The following TP63 variants were observed in gnomAD, a reference collection of about 807,000 sequenced individuals.
TP63 encodes the protein tumor protein p63, also known as tumor protein 63.
In TP63, 17 loss-of-function variants were observed where a neutral mutation model predicts 82.8. That is an observed-to-expected ratio of 0.21 (90% CI 0.14 to 0.31). TP63 has a LOEUF of 0.31. TP63 is among the 10% of genes least tolerant of loss of function. The pLI, the probability that TP63 is intolerant of heterozygous loss-of-function variation, is 1.00. For missense variants in TP63, 648 were observed against 895.3 expected, an observed-to-expected ratio of 0.72 and a Z score of 3.52; for synonymous variants, 330 against 321.7, an observed-to-expected ratio of 1.03 and a Z score of -0.28.
intron 3 of TP63, among the ~76,000 whole-genome samples, chr3:189,790,857 G>A (rs914581488): frequency 6.6e-6 from 1 of 152,148 alleles, no homozygotes; most frequent in African/African-American, 2.4e-5. Flanking sequence ...GGTGCAGACC[G>A]CAAGAGGAAG....
chr3:189,831,727 C>T (rs965764088), intron 4 of TP63, among the ~76,000 whole-genome samples: 1 of 150,136 alleles, frequency 6.7e-6, no homozygotes, highest in Non-Finnish European at 1.5e-5. Flanking sequence ...TGGTATTTGG[C>T]TGATAAGTAG....
the TP63 span, among the ~76,000 whole-genome samples, chr3:189,598,137 C>T: frequency 6.6e-6 from 1 of 151,682 alleles, no homozygotes; most frequent in African/African-American, 2.4e-5. Flanking sequence ...AATATCTACA[C>T]TGAAGCAGTA....
intron 3 of TP63, among the ~76,000 whole-genome samples, chr3:189,784,122 T>C (rs1477967362): frequency 6.6e-6 from 1 of 152,066 alleles, no homozygotes; most frequent in Non-Finnish European, 1.5e-5. Flanking sequence ...TTTTTTCTTC[T>C]AAATTTCACA....
chr3:189,818,342 A>G (rs2108664301), intron 4 of TP63, among the ~76,000 whole-genome samples: 1 of 152,178 alleles, frequency 6.6e-6, no homozygotes, highest in South Asian at 2.1e-4. Context: ...TTACCACCAT[A>G]AGCCAGTATA....
intron 3 of TP63, among the ~76,000 whole-genome samples, chr3:189,739,477 C>T (rs2108797976): frequency 6.6e-6 from 1 of 152,300 alleles, no homozygotes; most frequent in Non-Finnish European, 1.5e-5. Context: ...CAAACAACTT[C>T]TCTATCCTTC....
intron 1 of TP63, among the ~76,000 whole-genome samples, chr3:189,734,365 T>C (rs746493634): frequency 4.6e-5 from 7 of 151,950 alleles, no homozygotes; most frequent in Non-Finnish European, 7.4e-5. Flanking sequence ...AGAGACAGGG[T>C]TTCCTTGCCC....
At chr3:189,647,618 C>A (rs1397300645) in intron 1 of TP63, among the ~76,000 whole-genome samples, 1 of 146,428 alleles carries the variant, frequency 6.8e-6, no homozygotes, top group Non-Finnish European at 1.5e-5. Context: ...CTCAGGAAAC[C>A]TGACATCCCT....
At chr3:189,608,839 A>G in the TP63 span, among the ~76,000 whole-genome samples, 3 of 152,074 alleles carry the variant, frequency 2.0e-5, no homozygotes, top group African/African-American at 7.2e-5. Flanking sequence ...CAGCACTTCA[A>G]TATTAAAATC....
At chr3:189,752,726 G>A (rs1222877917) in intron 3 of TP63, among the ~76,000 whole-genome samples, 2 of 151,790 alleles carry the variant, frequency 1.3e-5, no homozygotes, top group Admixed American at 6.6e-5. Flanking sequence ...TCTTTTTCGA[G>A]TTTTTTAAAT....
intron 1 of TP63, among the ~76,000 whole-genome samples, chr3:189,692,717 A>G (rs1171249444): frequency 6.6e-6 from 1 of 152,220 alleles, no homozygotes; most frequent in Non-Finnish European, 1.5e-5. Flanking sequence ...TCATTGATTC[A>G]GAGACAATCC....
At chr3:189,819,377 T>C (rs920103573) in intron 4 of TP63, among the ~76,000 whole-genome samples, 11 of 152,132 alleles carry the variant, frequency 7.2e-5, no homozygotes, top group Non-Finnish European at 1.3e-4. Flanking sequence ...GTGTGCCATG[T>C]TGGTGTGCTG....
the TP63 span, among the ~76,000 whole-genome samples, chr3:189,611,222 C>T: frequency 2.0e-5 from 3 of 152,150 alleles, no homozygotes; most frequent in Admixed American, 2.0e-4. Flanking sequence ...TTTGCTCATT[C>T]CTATGTCCAG....
At chr3:189,859,756 C>A (rs1398165889) in intron 4 of TP63, among the ~76,000 whole-genome samples, 2 of 151,936 alleles carry the variant, frequency 1.3e-5, no homozygotes, top group Admixed American at 1.3e-4. Flanking sequence ...TAGTTTTATA[C>A]ACAATAGAAA....
chr3:189,796,829 A>G (rs1256111118), intron 3 of TP63, among the ~76,000 whole-genome samples: 1 of 152,018 alleles, frequency 6.6e-6, no homozygotes. Context: ...TAAATTTCTT[A>G]TTTCTAAGTT....
At chr3:189,683,697 A>C (rs750451102) in intron 1 of TP63, among the ~76,000 whole-genome samples, 2 of 152,210 alleles carry the variant, frequency 1.3e-5, no homozygotes, top group Non-Finnish European at 2.9e-5. Flanking sequence ...AGATGATTTC[A>C]TCCTCTGCTC....
At chr3:189,851,022 A>G (rs1715559441) in intron 4 of TP63, among the ~76,000 whole-genome samples, 1 of 152,246 alleles carries the variant, frequency 6.6e-6, no homozygotes, top group African/African-American at 2.4e-5. Context: ...GCTATGTTAA[A>G]CACTTTATGT....
intron 3 of TP63, among the ~76,000 whole-genome samples, chr3:189,756,002 C>T (rs189885429): frequency 6.6e-6 from 1 of 152,130 alleles, no homozygotes; most frequent in East Asian, 1.9e-4. Context: ...GCAGACCTAG[C>T]TGGGATGGAA....
At chr3:189,631,346 G>A (rs1182676380), upstream of TP63, 5 of 1,455,902 alleles carry the variant, frequency 3.4e-6, no homozygotes, top group African/African-American at 1.4e-5. Flanking sequence ...GAAACGCTCC[G>A]CCTCTTTGCA....
intron 1 of TP63, among the ~76,000 whole-genome samples, chr3:189,688,660 G>T (rs903741114): frequency 1.3e-5 from 2 of 152,134 alleles, no homozygotes; most frequent in Non-Finnish European, 2.9e-5. Flanking sequence ...ATTGGTAAGG[G>T]AGCTGATAAA....
Sources: gnomAD v4.1 joint callset for allele counts (sites outside exome capture counted in the v4.1 genomes callset) on GRCh38, gnomAD v4.1.1 for gene constraint, MANE v1.5 for transcripts, NCBI Gene and HGNC (gene_info 2026-07-23, HGNC 2026-07-21) for gene names.